Variants in CYB5R4 observed in about 807,000 individuals in gnomAD.
CYB5R4 encodes cytochrome b5 reductase 4, also known as N-terminal cytochrome b5 and cytochrome b5 oxidoreductase domain-containing protein.
A neutral mutation model predicts 70.2 loss-of-function variants in CYB5R4; 55 were observed. The observed-to-expected ratio is 0.78, with a 90% CI of 0.63 to 0.98. The LOEUF is 0.98. Ranked by LOEUF, CYB5R4 falls within the 50% of genes least tolerant of loss-of-function variation. CYB5R4 has a pLI of 0.00. For missense variants in CYB5R4, 562 were observed against 612.6 expected (o/e 0.92, Z 0.87); for synonymous variants, 197 against 199.5 (o/e 0.99, Z 0.11).
rs1325428547 is a variant in CYB5R4 at position 83,940,614 on chromosome 6, T to C, written c.1346+13T>C. The stretch of plus-strand genomic sequence containing the variant: ...TTAAAGATAAAAGGTATTAAACTGA[T>C]ATTAGCTCTGCGTTTAGTTATTTAT... On this transcript the variant is annotated intron_variant, in intron 14 of 15. Transcript: ENST00000369681. 5.7e-6 allele frequency: 9 copies of C among 1,591,334 alleles called. No homozygotes were observed. Among genetic ancestry groups the C allele is most frequent in the Non-Finnish European group, 6.8e-6 (8 of 1,172,224 alleles).
intron 14 of CYB5R4, among the ~76,000 whole-genome samples, chr6:83,949,071 T>C (rs539620685): frequency 6.6e-6 from 1 of 152,026 alleles, no homozygotes; most frequent in Non-Finnish European, 1.5e-5. Flanking sequence ...TGACTCCTAG[T>C]ATTGTGTAAT....
At chr6:83,951,791 A>G (rs1182646579) in intron 14 of CYB5R4, among the ~76,000 whole-genome samples, 1 of 152,182 alleles carries the variant, frequency 6.6e-6, no homozygotes, top group African/African-American at 2.4e-5. Context: ...TCCTTTGAGT[A>G]TATACCCAGT....
At chr6:83,884,346 T>C (rs745732964) in intron 2 of CYB5R4, among the ~76,000 whole-genome samples, 18 of 152,162 alleles carry the variant, frequency 1.2e-4, no homozygotes, top group South Asian at 8.3e-4. Flanking sequence ...TGGGAAAAAG[T>C]ATGCTATCCA....
chr6:83,914,945 G>A (rs1053520148), intron 5 of CYB5R4, among the ~76,000 whole-genome samples: 1 of 151,292 alleles, frequency 6.6e-6, no homozygotes, highest in Non-Finnish European at 1.5e-5. Context: ...TCTTATCGTC[G>A]TGCCTTCTGT....
intron 2 of CYB5R4, among the ~76,000 whole-genome samples, chr6:83,875,327 A>C (rs1411099439): frequency 6.6e-6 from 1 of 151,946 alleles, no homozygotes; most frequent in Non-Finnish European, 1.5e-5. Context: ...CCTAGGCTGG[A>C]CCCAAACTCC....
At chr6:83,917,470 C>G (rs886351553) in intron 5 of CYB5R4, among the ~76,000 whole-genome samples, 1 of 152,172 alleles carries the variant, frequency 6.6e-6, no homozygotes, top group South Asian at 2.1e-4. Context: ...CTGGAAACAA[C>G]CTGAATGTTC....
chr6:83,918,964 A>G (rs1235843428), intron 6 of CYB5R4, among the ~76,000 whole-genome samples: 3 of 152,154 alleles, frequency 2.0e-5, no homozygotes. Flanking sequence ...TTTAAGTTTC[A>G]CTATGGACCC....
rs969169165 is a variant in CYB5R4 at position 83,859,868 on chromosome 6, G to A, written c.75+11G>A. On this transcript the variant is annotated intron_variant, in intron 1 of 15. Transcript: ENST00000369681. ...GGGGGGCGTAGCAAGGTAAGCGGGT[G>A]GCTCCGTGAGTCTCTCCCCTCGCTG... The A allele has an allele frequency of 2.7e-5, 43 of 1,607,790 alleles. No individual in the cohort carries two copies. Among genetic ancestry groups the A allele is most frequent in the Non-Finnish European group, 3.5e-5 (41 of 1,177,546 alleles).
At chr6:83,876,731 GAGATAA>G (rs1362837875) in intron 2 of CYB5R4, among the ~76,000 whole-genome samples, 1 of 151,990 alleles carries the variant, frequency 6.6e-6, no homozygotes, top group Admixed American at 6.6e-5. Flanking sequence ...ATCTTTCAAA[GAGATAA>G]AGATAATTAA....
intron 14 of CYB5R4, among the ~76,000 whole-genome samples, chr6:83,944,836 A>C (rs2099470317): frequency 6.6e-6 from 1 of 152,182 alleles, no homozygotes; most frequent in South Asian, 2.1e-4. Flanking sequence ...CAAAAAAGAC[A>C]AGGGCATTAC....
At chr6:83,950,667 CA>C (rs1214303270) in intron 14 of CYB5R4, among the ~76,000 whole-genome samples, 23 of 152,162 alleles carry the variant, frequency 1.5e-4, no homozygotes, top group Middle Eastern at 3.4e-3. Context: ...GGTAGTGGTA[CA>C]TTTTTTTATA....
At chr6:83,875,926 C>CT (rs774485251) in intron 2 of CYB5R4, among the ~76,000 whole-genome samples, 3 of 152,170 alleles carry the variant, frequency 2.0e-5, no homozygotes, top group Non-Finnish European at 4.4e-5. Context: ...GTATGTCTGA[C>CT]TTTCTCGGAA....
At chr6:83,909,987 A>G (rs2099464429) in intron 4 of CYB5R4, 3 of 1,569,736 alleles carry the variant, frequency 1.9e-6, no homozygotes, top group East Asian at 4.6e-5. Context: ...TTAGTTTTTT[A>G]TTATTAAAAA....
chr6:83,948,007 A>G (rs1161359006), intron 14 of CYB5R4, among the ~76,000 whole-genome samples: 1 of 152,216 alleles, frequency 6.6e-6, no homozygotes, highest in Non-Finnish European at 1.5e-5. Context: ...TGACCCAGCA[A>G]TCCCATTACT....
At chr6:83,937,688 T>A (rs1401228147) in intron 12 of CYB5R4, among the ~76,000 whole-genome samples, 1 of 152,250 alleles carries the variant, frequency 6.6e-6, no homozygotes, top group South Asian at 2.1e-4. Context: ...CTGGCTAATA[T>A]TTGTATTTTT....
chr6:83,909,231 G>T, intron 4 of CYB5R4, 141 bp downstream of exon 4: 1 of 545,368 alleles, frequency 1.8e-6, no homozygotes, highest in Non-Finnish European at 3.2e-6. Flanking sequence ...CACTCCAGAG[G>T]TTTTCCTTCA....
At chr6:83,913,197 A>ACATG (rs141469825) in intron 4 of CYB5R4, among the ~76,000 whole-genome samples, 3,670 of 152,332 alleles carry the variant, frequency 0.024, 75 homozygotes, top group Non-Finnish European at 0.04. Context: ...GGATGAAAGT[A>ACATG]CATGGCCAAG....
intron 2 of CYB5R4, among the ~76,000 whole-genome samples, chr6:83,867,213 G>A (rs1015982979): frequency 2.0e-5 from 3 of 152,180 alleles, no homozygotes; most frequent in Admixed American, 2.0e-4. Flanking sequence ...GTAGAGATAA[G>A]CCTTGAAGCA....
At chr6:83,891,671 A>G (rs1005173376) in intron 2 of CYB5R4, among the ~76,000 whole-genome samples, 5 of 152,194 alleles carry the variant, frequency 3.3e-5, no homozygotes, top group Admixed American at 1.3e-4. Context: ...AGACATTCCT[A>G]GTTTTTTTCG....
Sources: allele counts gnomAD v4.1 joint callset (sites outside exome capture counted in the v4.1 genomes callset), GRCh38; gene constraint gnomAD v4.1.1; transcripts MANE v1.5; gene names NCBI Gene and HGNC (gene_info 2026-07-23, HGNC 2026-07-21).